Variants in CSMD1 observed in about 807,000 individuals in gnomAD.
CSMD1 encodes the protein CUB and sushi domain-containing protein 1.
Under a neutral mutation model 417.5 loss-of-function variants are expected in CSMD1, and 213 were observed. The observed-to-expected ratio is 0.51, with a 90% CI of 0.46 to 0.57. CSMD1 has a LOEUF of 0.57. Among genes scored for constraint, CSMD1 ranks in the 20% least tolerant of loss-of-function variants. CSMD1 has a pLI of 0.00. For missense variants in CSMD1, 6,923 were observed against 4,529.7 expected, an observed-to-expected ratio of 1.53 and a Z score of -15.17; for synonymous variants, 2,862 against 1,736.8, an observed-to-expected ratio of 1.65 and a Z score of -16.11.
At chr8:4,338,238 G>T (rs765725718) in intron 3 of CSMD1, among the ~76,000 whole-genome samples, 11 of 152,146 alleles carry the variant, frequency 7.2e-5, no homozygotes, top group Non-Finnish European at 1.3e-4. Context: ...CTAATATTAA[G>T]TTAGAATAGT....
At chr8:2,954,195 G>T (rs371779362) in intron 65 of CSMD1, 29 bp downstream of exon 65, 40 of 1,357,944 alleles carry the variant, frequency 2.9e-5, no homozygotes, top group Non-Finnish European at 4.0e-5. Flanking sequence ...TTATTGGATT[G>T]AAATCTAGAA....
chr8:3,288,478 C>T (rs1034658987), intron 25 of CSMD1, among the ~76,000 whole-genome samples: 1 of 146,784 alleles, frequency 6.8e-6, no homozygotes, highest in Non-Finnish European at 1.5e-5. Flanking sequence ...AATTTCAGAC[C>T]CTGTTATTGG....
intron 12 of CSMD1, among the ~76,000 whole-genome samples, chr8:3,412,789 A>C (rs17066035): frequency 0.099 from 14,979 of 151,934 alleles, 955 homozygotes; most frequent in East Asian, 0.25. Flanking sequence ...TTGAACAGAG[A>C]TGGGAATGGA....
rs370809091 is a variant in CSMD1 at position 3,502,418 on chromosome 8, G to A, written c.1345-8692C>T. 6.7e-4 allele frequency among the ~76,000 whole-genome samples: 100 copies of A among 150,182 alleles called. 1 individual carries two copies. The highest frequency in any genetic ancestry group is 2.2e-3 in the African/African-American group (92 of 40,910). ...ACACAACAAACAACTGCACATGTAC[G>A]TTTATAGCAACTTTATTCATAATCG... On this transcript the variant is annotated intron_variant, in intron 10 of 69. Coordinates refer to ENST00000635120, the MANE Select transcript of CSMD1 (RefSeq NM_033225.6).
At chr8:3,886,353 A>C (rs1038562640) in intron 5 of CSMD1, among the ~76,000 whole-genome samples, 4 of 152,284 alleles carry the variant, frequency 2.6e-5, no homozygotes, top group Non-Finnish European at 4.4e-5. Flanking sequence ...CAGGCCCATT[A>C]TATATTTTTT....
chr8:3,091,797 A>G (rs1235250394), intron 47 of CSMD1, 135 bp from the exon 48 acceptor site: 13 of 664,326 alleles, frequency 2.0e-5, no homozygotes, highest in Non-Finnish European at 2.6e-5. Context: ...GTGGACAACA[A>G]ATTCCAAATG....
chr8:4,669,202 C>T (rs1417912815), intron 1 of CSMD1, among the ~76,000 whole-genome samples: 1 of 152,148 alleles, frequency 6.6e-6, no homozygotes, highest in Non-Finnish European at 1.5e-5. Context: ...TGCTGTCTCT[C>T]TTGCTTTTAG....
intron 3 of CSMD1, among the ~76,000 whole-genome samples, chr8:4,131,268 G>T (rs1036934311): frequency 6.6e-6 from 1 of 151,428 alleles, no homozygotes; most frequent in African/African-American, 2.4e-5. Flanking sequence ...GAGATGAACT[G>T]TAGGAACTGA....
intron 5 of CSMD1, among the ~76,000 whole-genome samples, chr8:3,940,653 G>C (rs557145222): frequency 4.0e-5 from 6 of 151,526 alleles, no homozygotes; most frequent in Non-Finnish European, 8.8e-5. Flanking sequence ...TCTTGTTTGG[G>C]TTTCCTAGAT....
In CSMD1 at chr8:3,241,118, C is replaced by T. The variant is rs141034411; in HGVS notation, c.4154-10887G>A. Among the ~76,000 whole-genome samples the T allele has an allele frequency of 1.6e-3, 235 of 150,382 alleles. 1 individual carries two copies. Among genetic ancestry groups the T allele is most frequent in the Middle Eastern group, 3.4e-3 (1 of 292 alleles). On this transcript the variant is annotated intron_variant, in intron 26 of 69. Transcript: ENST00000635120. ...GGAGGCTTTGGATTGGGAAGAAGGGCGGCAATGAGATGTAGCTGTAGTCCA... is the reference window on the plus strand; with the variant it reads ...GGAGGCTTTGGATTGGGAAGAAGGGTGGCAATGAGATGTAGCTGTAGTCCA...
chr8:2,993,127 G>T (rs1314516917), intron 54 of CSMD1, among the ~76,000 whole-genome samples: 2 of 152,158 alleles, frequency 1.3e-5, no homozygotes, highest in African/African-American at 2.4e-5. Context: ...TCCCAAAGCA[G>T]ATTTTTTTTA....
intron 1 of CSMD1, among the ~76,000 whole-genome samples, chr8:4,929,900 G>A (rs1261012975): frequency 1.3e-5 from 2 of 152,180 alleles, no homozygotes; most frequent in African/African-American, 4.8e-5. Context: ...AGATTCTCCA[G>A]CTATTGTAGT....
rs531484057 is a variant in CSMD1, at chr8:3,696,547, T to C, written c.1009+11867A>G. Reference sequence around the variant, plus strand: ...AATATAATCATTTGGTGTAATTAAATGATCTAATTTAATCCAATTAGTGTG... The same window carrying C: ...AATATAATCATTTGGTGTAATTAAACGATCTAATTTAATCCAATTAGTGTG... On this transcript the variant is annotated intron_variant, in intron 7 of 69. Coordinates refer to ENST00000635120, the MANE Select transcript of CSMD1 (RefSeq NM_033225.6). 5.3e-5 allele frequency among the ~76,000 whole-genome samples: 8 copies of C among 152,336 alleles called. No individual in the cohort carries two copies. In the East Asian group the frequency reaches 5.8e-4, roughly 11 times the overall value.
At chr8:4,120,805 A>C (rs1802443702) in intron 3 of CSMD1, among the ~76,000 whole-genome samples, 1 of 152,228 alleles carries the variant, frequency 6.6e-6, no homozygotes, top group Non-Finnish European at 1.5e-5. Context: ...ACAGAAGCTC[A>C]TGACATGCCA....
intron 3 of CSMD1, among the ~76,000 whole-genome samples, chr8:4,072,216 C>T (rs1799595110): frequency 6.6e-6 from 1 of 152,122 alleles, no homozygotes; most frequent in Non-Finnish European, 1.5e-5. Context: ...TTTTATATTT[C>T]ATCCACAGTT....
chr8:3,671,047 GTA>G (rs1234672542), intron 7 of CSMD1, among the ~76,000 whole-genome samples: 1 of 121,646 alleles, frequency 8.2e-6, no homozygotes, highest in African/African-American at 2.8e-5. Context: ...GGATATATAT[GTA>G]TATAGGATAT....
At chr8:4,879,198 G>A (rs1049434044) in intron 1 of CSMD1, among the ~76,000 whole-genome samples, 7 of 152,002 alleles carry the variant, frequency 4.6e-5, no homozygotes, top group Non-Finnish European at 7.4e-5. Flanking sequence ...AGAGAGACAG[G>A]CCAATGGCTG....
intron 11 of CSMD1, among the ~76,000 whole-genome samples, chr8:3,490,106 G>A (rs963403532): frequency 6.6e-6 from 1 of 152,180 alleles, no homozygotes. Context: ...GACTAGCTGT[G>A]ATTCTCTGTG....
intron 10 of CSMD1, among the ~76,000 whole-genome samples, chr8:3,508,831 G>A (rs987401733): frequency 2.0e-5 from 3 of 152,194 alleles, no homozygotes; most frequent in Admixed American, 1.3e-4. Flanking sequence ...AGACACATCA[G>A]CTGTCACTCT....
Sources: gnomAD v4.1 joint callset for allele counts (sites outside exome capture counted in the v4.1 genomes callset) on GRCh38, gnomAD v4.1.1 for gene constraint, MANE v1.5 for transcripts, NCBI Gene and HGNC (gene_info 2026-07-23, HGNC 2026-07-21) for gene names.